The following AKAP13 variants were observed in gnomAD, a reference collection of about 807,000 sequenced individuals.
The protein encoded by AKAP13 is A-kinase anchoring protein 13, also known as A-kinase anchor protein 13.
Under a neutral mutation model 264.5 loss-of-function variants are expected in AKAP13, and 80 were observed. The observed-to-expected ratio is 0.30, with a 90% confidence interval of 0.25 to 0.36. AKAP13 has a LOEUF of 0.36. Ranked by LOEUF, AKAP13 falls within the 10% of genes least tolerant of loss-of-function variation. AKAP13 has a pLI of 1.00. For synonymous variants in AKAP13, 1,380 were observed against 1,250.2 expected (o/e 1.10, Z -2.19); for missense variants, 3,712 against 3,435.2 (o/e 1.08, Z -2.01).
Position 85,675,972 on chromosome 15 carries a change from C to T in AKAP13, c.5101+6142C>T, listed in dbSNP as rs575319950. Among the ~76,000 whole-genome samples, 23 of 151,718 alleles carry T rather than the reference C, an allele frequency of 1.5e-4. No homozygotes were observed. In the South Asian group the frequency reaches 4.6e-3, roughly 30 times the overall value. On this transcript the variant is annotated intron_variant, in intron 14 of 36. Coordinates refer to ENST00000394518, the MANE Select transcript of AKAP13 (RefSeq NM_007200.5). ...CATCGCCCGGGCTGGAATGTAGTGG[C>T]GCTATCTCGGCTCACTGCAACCTCT...
Position 85,581,060 on chromosome 15 carries a change from A to G in AKAP13, c.2992A>G (p.Asn998Asp), listed in dbSNP as rs2079135241. ...SAFLKAETEH[N>D]KEVAPQVSLL... ...CTTTCTTAAGGCAGAAACTGAACAT[A>G]ACAAGGAAGTGGCCCCACAAGTCTC... The change falls in exon 7 of 37, where the codon AAC (asparagine) becomes GAC (aspartate). Residue 998 changes from asparagine to aspartate, a missense_variant. By Grantham distance (23) the Asn-to-Asp change is conservative (BLOSUM62 1). Around this residue, in one of 3 missense-constraint regions of AKAP13, gnomAD observed 2,759 missense variants for 2,411.7 expected, o/e 1.14. Coordinates refer to ENST00000394518, the MANE Select transcript of AKAP13 (RefSeq NM_007200.5). 6.2e-7 allele frequency: 1 copy of G among 1,613,884 alleles called. No homozygotes were observed. The highest frequency in any genetic ancestry group is 1.3e-5 in the African/African-American group (1 of 74,904).
At chr15:85,715,275 G>A (rs542362989) in intron 19 of AKAP13, among the ~76,000 whole-genome samples, 1 of 152,216 alleles carries the variant, frequency 6.6e-6, no homozygotes, top group East Asian at 1.9e-4. Context: ...TTTTTTGTAA[G>A]TGGCATTGTA....
intron 1 of AKAP13, among the ~76,000 whole-genome samples, chr15:85,463,017 C>T (rs1194223936): frequency 9.4e-6 from 1 of 105,908 alleles, no homozygotes; most frequent in African/African-American, 3.6e-5. Context: ...GAGCGAGACT[C>T]CGTCTCAAAA....
rs199990043 is a variant in AKAP13, at chr15:85,432,950, AG to A, written c.-12+52153del. On this transcript the variant is annotated intron_variant, in intron 1 of 36. Coordinates refer to ENST00000394518, the MANE Select transcript of AKAP13 (RefSeq NM_007200.5). ...TGGTTACAATTTGGAAAATATAGAA[AG>A]AAAAAAAAATATACACCCCATTACC... Among the ~76,000 whole-genome samples the A allele has an allele frequency of 4.4e-3, 672 of 151,786 alleles. 1 individual carries two copies. The highest frequency in any genetic ancestry group is 0.027 in the South Asian group (131 of 4,796).
intron 6 of AKAP13, chr15:85,577,967 G>A (rs1357755236): frequency 4.8e-5 from 15 of 310,318 alleles, no homozygotes; most frequent in African/African-American, 3.2e-4. Context: ...GGTGTAAGTA[G>A]ACTCTGCCCT....
In AKAP13 at chr15:85,734,915, G is replaced by A. The variant is rs371298598; in HGVS notation, c.7283-77G>A. ...AACTTTCAAGTCGTGCTCTTTGTAC[G>A]TATCATATATACTATGAACTTGTTT... On this transcript the variant is annotated intron_variant, in intron 30 of 36. Coordinates refer to ENST00000394518, the MANE Select transcript of AKAP13 (RefSeq NM_007200.5). The A allele has an allele frequency of 2.7e-5, 42 of 1,538,994 alleles. No homozygotes were observed. In the South Asian group the frequency reaches 3.7e-4, roughly 14 times the overall value.
At chr15:85,676,883 A>G (rs1005681285) in intron 14 of AKAP13, 2 of 950,300 alleles carry the variant, frequency 2.1e-6, no homozygotes, top group African/African-American at 3.5e-5. Flanking sequence ...CCGGAACCGC[A>G]TAGGCCATTG....
intron 1 of AKAP13, chr15:85,389,723 A>G (rs1006306846): frequency 2.0e-5 from 3 of 152,258 alleles, no homozygotes; most frequent in African/African-American, 7.2e-5. Flanking sequence ...TTGAAGAGGC[A>G]CATGGTACAT....
At chr15:85,548,282 A>G (rs1040933358) in intron 5 of AKAP13, among the ~76,000 whole-genome samples, 1 of 152,208 alleles carries the variant, frequency 6.6e-6, no homozygotes, top group African/African-American at 2.4e-5. Context: ...TCATAAATAA[A>G]GGATATTGCT....
rs2089399922 is a variant in AKAP13 at position 85,747,358 on chromosome 15, C to G, written c.*2681C>G. Reference sequence around the variant, plus strand: ...TGCTCTAGTTGCTGGATCTAATGGCCTGTCTTGGTTTCTATCACATGAGAA... The same window carrying G: ...TGCTCTAGTTGCTGGATCTAATGGCGTGTCTTGGTTTCTATCACATGAGAA... On this transcript the variant is annotated 3_prime_UTR_variant, in exon 37 of 37. Coordinates refer to ENST00000394518, the MANE Select transcript of AKAP13 (RefSeq NM_007200.5). 6.9e-6 allele frequency: 1 copy of G among 145,196 alleles called. No homozygotes were observed. Among genetic ancestry groups the G allele is most frequent in the African/African-American group, 2.5e-5 (1 of 39,858 alleles). 9.0% of individuals were successfully genotyped at this position (145,196 alleles called of 1,614,324 possible). A position where few individuals can be genotyped will look rare whatever the true frequency, so the allele number is the denominator to read the frequency against.
chr15:85,409,917 C>T (rs2071878787), intron 1 of AKAP13, among the ~76,000 whole-genome samples: 1 of 151,618 alleles, frequency 6.6e-6, no homozygotes, highest in Admixed American at 6.6e-5. Context: ...AGGCGTGAGA[C>T]ACCGCGCCTG....
At chr15:85,609,992 G>C (rs545183637) in intron 8 of AKAP13, among the ~76,000 whole-genome samples, 6 of 152,114 alleles carry the variant, frequency 3.9e-5, no homozygotes, top group Non-Finnish European at 8.8e-5. Flanking sequence ...TGCTCCTGCT[G>C]TATTTTCTTT....
chr15:85,634,357 T>C (rs1258656742), intron 8 of AKAP13, among the ~76,000 whole-genome samples: 1 of 152,216 alleles, frequency 6.6e-6, no homozygotes, highest in Non-Finnish European at 1.5e-5. Context: ...TTAGAGGTTA[T>C]TGAATAAAAT....
chr15:85,568,088 T>C (rs561193497), intron 5 of AKAP13, among the ~76,000 whole-genome samples: 53 of 151,820 alleles, frequency 3.5e-4, no homozygotes, highest in African/African-American at 9.2e-4. Context: ...ATTCCTTAAG[T>C]CCAGGAGTTC....
rs2084660537 is a variant in AKAP13, at chr15:85,682,679, T to C, written c.5156+467T>C. Among the ~76,000 whole-genome samples the C allele has an allele frequency of 2.0e-5, 3 of 152,320 alleles. No homozygotes were observed. In the South Asian group the frequency reaches 6.2e-4, roughly 32 times the overall value. Reference sequence around the variant, plus strand: ...GTAAACGAATTGATTCTTTTTTTTTTCTTTTGAGACAGAGTTTCGCTCTTG... The same window carrying C: ...GTAAACGAATTGATTCTTTTTTTTTCCTTTTGAGACAGAGTTTCGCTCTTG... On this transcript the variant is annotated intron_variant, in intron 15 of 36. Coordinates refer to ENST00000394518, the MANE Select transcript of AKAP13 (RefSeq NM_007200.5).
intron 1 of AKAP13, among the ~76,000 whole-genome samples, chr15:85,445,672 A>G (rs937689703): frequency 6.6e-6 from 1 of 151,320 alleles, no homozygotes; most frequent in Non-Finnish European, 1.5e-5. Context: ...AAAGATGCCA[A>G]CTGTCTGTGA....
intron 14 of AKAP13, among the ~76,000 whole-genome samples, chr15:85,679,369 A>C (rs1019956494): frequency 6.6e-6 from 1 of 152,200 alleles, no homozygotes; most frequent in Non-Finnish European, 1.5e-5. Context: ...AAACTTTTTG[A>C]ATCAAGTATC....
chr15:85,653,245 C>G (rs1341469576), intron 10 of AKAP13, among the ~76,000 whole-genome samples: 1 of 152,142 alleles, frequency 6.6e-6, no homozygotes, highest in South Asian at 2.1e-4. Context: ...TTTTCTGATA[C>G]TGACTTTGAT....
intron 8 of AKAP13, among the ~76,000 whole-genome samples, chr15:85,610,029 T>C (rs1182503571): frequency 6.6e-6 from 1 of 152,234 alleles, no homozygotes; most frequent in Non-Finnish European, 1.5e-5. Flanking sequence ...TTTATGTATT[T>C]GTATATCTCT....
Sources: gnomAD v4.1 joint callset for allele counts (sites outside exome capture counted in the v4.1 genomes callset) on GRCh38, gnomAD v4.1.1 for gene constraint, gnomAD v4.1.1 regional missense constraint, MANE v1.5 for transcripts, NCBI Gene and HGNC (gene_info 2026-07-23, HGNC 2026-07-21) for gene names.